Variants in DNMT1 observed in about 807,000 individuals in gnomAD.
DNMT1 encodes DNA methyltransferase 1, also known as DNA (cytosine-5)-methyltransferase 1.
In DNMT1, 24 loss-of-function variants were observed where a neutral mutation model predicts 205.3. The ratio of observed to expected loss-of-function variants is 0.12; its 90% confidence interval spans 0.08 to 0.16. The LOEUF (loss-of-function observed/expected upper bound fraction) is 0.16, where lower values mean the gene tolerates loss of function less well. Ranked by LOEUF, DNMT1 falls within the 10% of genes least tolerant of loss-of-function variation. The probability of loss-of-function intolerance (pLI) is 1.00; values close to 1 mark genes in which losing one functional copy is unlikely to be tolerated. For missense variants in DNMT1, 1,293 were observed against 2,177.7 expected (o/e 0.59, Z 8.09); for synonymous variants, 817 against 839.8 (o/e 0.97, Z 0.47).
chr19:10,137,610 A>T lies in DNMT1; in HGVS notation c.4293+222T>A. On this transcript the variant is annotated intron_variant, in intron 36 of 40. Coordinates refer to ENST00000359526, the MANE Select transcript of DNMT1 (RefSeq NM_001130823.3). This position sits in a 1 kb window ranked among gnomAD's most constrained non-coding sequence, Gnocchi z 6.4. ...AGGGGGAAGGCAGTGGTGGGTGGGC[A>T]GTGGCTTGACACCATTCCAGACCAA... is the stretch of plus-strand genomic sequence containing the variant. 1 of 690,380 alleles carries T rather than the reference A, an allele frequency of 1.4e-6. No individual in the cohort carries two copies. The highest frequency in any genetic ancestry group is 2.4e-6 in the Non-Finnish European group (1 of 408,908). 42.8% of individuals were successfully genotyped at this position (690,380 alleles called of 1,614,324 possible). A position where few individuals can be genotyped will look rare whatever the true frequency, so the allele number is the denominator to read the frequency against.
In DNMT1 at chr19:10,133,388, T is replaced by C. The variant is rs2089415266; in HGVS notation, c.*279A>G. 3.8e-6 allele frequency: 2 copies of C among 519,622 alleles called. No homozygotes were observed. The highest frequency in any genetic ancestry group is 6.7e-5 in the Admixed American group (2 of 29,914). The allele number at this position is 519,622 out of a possible 1,614,324, so 32.2% of individuals were successfully genotyped here. A position where few individuals can be genotyped will look rare whatever the true frequency, so the allele number is the denominator to read the frequency against. ...TTATTTGAAGAAATATTACAACATATAAAAACTACATAAAGTCTTAATTTC... is the reference window on the plus strand; with the variant it reads ...TTATTTGAAGAAATATTACAACATACAAAAACTACATAAAGTCTTAATTTC... On this transcript the variant is annotated 3_prime_UTR_variant, in exon 41 of 41. Coordinates refer to ENST00000359526, the MANE Select transcript of DNMT1 (RefSeq NM_001130823.3). This position sits in a 1 kb window ranked among gnomAD's most constrained non-coding sequence, Gnocchi z 4.1.
intron 11 of DNMT1, among the ~76,000 whole-genome samples, chr19:10,164,452 T>A (rs2145334551): frequency 6.6e-6 from 1 of 152,192 alleles, no homozygotes; most frequent in Middle Eastern, 3.4e-3. Context: ...TTACAAAAAA[T>A]AAGTTTAAAA....
chr19:10,180,427 G>C lies in DNMT1; in HGVS notation c.368C>G (p.Ala123Gly), dbSNP rs1085307725. The C allele has an allele frequency of 1.9e-6, 3 of 1,614,132 alleles. No homozygotes were observed. The African/African-American group carries it at 4.0e-5, about 22-fold the overall frequency. The change falls in exon 4 of 41, where the codon GCA (alanine) becomes GGA (glycine). Residue 123 changes from alanine to glycine, a missense_variant. Around this residue, in one of 13 missense-constraint regions of DNMT1, gnomAD observed 394 missense variants for 451.6 expected, o/e 0.87. Coordinates refer to ENST00000359526, the MANE Select transcript of DNMT1 (RefSeq NM_001130823.3). ...ARSEARRVGMADANSPPKPLS... is the reference protein window; with the variant it reads ...ARSEARRVGMGDANSPPKPLS... ...GGGTTTGGGGGGGCTGTTGGCATCTGCCATTCCCACTCTACGGGCTTCACT... is the reference window on the plus strand; with the variant it reads ...GGGTTTGGGGGGGCTGTTGGCATCTCCCATTCCCACTCTACGGGCTTCACT...
At position 10,138,614 on chromosome 19, in the gene DNMT1, GAGA is replaced by G. The variant is rs1568221502; in HGVS notation, c.3949-12_3949-10del. The G allele has an allele frequency of 7.5e-6, 12 of 1,599,908 alleles. No homozygotes were observed. Among genetic ancestry groups the G allele is most frequent in the South Asian group, 5.5e-5 (5 of 90,936 alleles). On this transcript the variant is annotated splice_polypyrimidine_tract_variant and intron_variant, in intron 34 of 40. Coordinates refer to ENST00000359526, the MANE Select transcript of DNMT1 (RefSeq NM_001130823.3). The surrounding 1 kb of genome is among the most constrained non-coding windows in gnomAD (Gnocchi z 4.1). ...ACGCCGTACTGACCGGCCTGTGGGGGAGAAGGACGGACAACCCCACCGTCAGTG... is the reference window on the plus strand; with the variant it reads ...ACGCCGTACTGACCGGCCTGTGGGGGAGGACGGACAACCCCACCGTCAGTG...
intron 22 of DNMT1, among the ~76,000 whole-genome samples, chr19:10,152,376 A>C (rs2038366112): frequency 6.7e-6 from 1 of 150,062 alleles, no homozygotes; most frequent in Non-Finnish European, 1.5e-5. Context: ...GAACCAGTAC[A>C]TTGGGAGGCT....
intron 2 of DNMT1, among the ~76,000 whole-genome samples, chr19:10,181,794 A>C (rs1295312912): frequency 6.6e-6 from 1 of 151,980 alleles, no homozygotes; most frequent in Non-Finnish European, 1.5e-5. Flanking sequence ...ATGCCATTGC[A>C]CTCTAGCCTG....
At position 10,183,106 on chromosome 19, in the gene DNMT1, CGTGT is replaced by C. The variant is rs1250445833; in HGVS notation, c.81-1033_81-1030del. On this transcript the variant is annotated intron_variant, in intron 1 of 40. Transcript: ENST00000359526. ...GTATATATATATACACGTATATATA[CGTGT>C]GTATATATATATATATTTTTTTTTT... Among the ~76,000 whole-genome samples, 23 of 131,236 alleles carry C rather than the reference CGTGT, an allele frequency of 1.8e-4. No homozygotes were observed. In the East Asian group the frequency reaches 5.1e-3, roughly 29 times the overall value. 86.1% of individuals were successfully genotyped at this position (131,236 alleles called of 152,430 possible).
rs2038447051 is a variant in DNMT1 at position 10,155,843 on chromosome 19, A to G, written c.1492+10T>C. 1 of 1,612,034 alleles carries G rather than the reference A, an allele frequency of 6.2e-7. No individual in the cohort carries two copies. The highest frequency in any genetic ancestry group is 1.3e-5 in the African/African-American group (1 of 74,914). ...GACCCCGGCCAGCCTATGATGGGCC[A>G]CACACTTACAGGTGCTGAAGCCGAT... On this transcript the variant is annotated intron_variant, in intron 19 of 40. Coordinates refer to ENST00000359526, the MANE Select transcript of DNMT1 (RefSeq NM_001130823.3).
intron 28 of DNMT1, among the ~76,000 whole-genome samples, chr19:10,145,825 T>C (rs2038186670): frequency 7.2e-6 from 1 of 139,776 alleles, no homozygotes; most frequent in South Asian, 2.3e-4. Context: ...CAGTAAGTTC[T>C]TTTTTTTTCT....
chr19:10,178,418 G>A (rs570165326), intron 5 of DNMT1, among the ~76,000 whole-genome samples: 5 of 152,182 alleles, frequency 3.3e-5, no homozygotes, highest in East Asian at 1.9e-4. Flanking sequence ...TTAACTGGGC[G>A]TGGTGGCGCA....
At chr19:10,152,923 G>A (rs1323975121) in intron 22 of DNMT1, among the ~76,000 whole-genome samples, 1 of 142,630 alleles carries the variant, frequency 7.0e-6, no homozygotes, top group Non-Finnish European at 1.5e-5. Flanking sequence ...AACACAGCAG[G>A]ACCCTGTCTC....
chr19:10,183,229 G>C (rs1043936493), intron 1 of DNMT1, among the ~76,000 whole-genome samples: 14 of 149,968 alleles, frequency 9.3e-5, no homozygotes, highest in Admixed American at 4.0e-4. Context: ...GATTCTCCTG[G>C]CTCAGCCTCC....
chr19:10,191,841 A>AAT (rs1052346622), intron 1 of DNMT1, among the ~76,000 whole-genome samples: 2 of 147,738 alleles, frequency 1.4e-5, no homozygotes, highest in African/African-American at 5.0e-5. Context: ...AAAAAAAAAA[A>AAT]TTTTTTTTTT....
At position 10,180,388 on chromosome 19, in the gene DNMT1, C is replaced by A. The variant is rs775139340; in HGVS notation, c.407G>T (p.Arg136Leu). The A allele has an allele frequency of 3.7e-6, 6 of 1,613,664 alleles. No homozygotes were observed. The highest frequency in any genetic ancestry group is 1.7e-5 in the Admixed American group (1 of 59,980). ...NSPPKPLSKP[R>L]TPRRSKSDGE... ...ATCGGACTTGCTCCTCCTGGGCGTG[C>A]GAGGTTTGGAAAGGGGTTTGGGGGG... The change falls in exon 4 of 41, where the codon CGC becomes CTC. Residue 136 changes from arginine to leucine, a missense_variant. Transcript: ENST00000359526.
intron 13 of DNMT1, 117 bp downstream of exon 13, chr19:10,162,550 G>A (rs1365773780): frequency 3.8e-5 from 41 of 1,082,556 alleles, no homozygotes; most frequent in South Asian, 2.5e-4. Flanking sequence ...GATTACAGGC[G>A]TGCGCCACCA....
chr19:10,139,843 G>A (rs199745553), intron 33 of DNMT1, 26 bp from the exon 34 acceptor site: 1 of 1,563,974 alleles, frequency 6.4e-7, no homozygotes, highest in African/African-American at 1.4e-5. Flanking sequence ...GAGACTGCAG[G>A]AGTCACCTCC....
intron 40 of DNMT1, 33 bp downstream of exon 40, chr19:10,134,184 G>T: frequency 6.2e-7 from 1 of 1,612,314 alleles, no homozygotes; most frequent in Admixed American, 1.7e-5. Flanking sequence ...GGGCAGTCAG[G>T]CCCCAGAGGA....
rs75515773 is a variant in DNMT1 at position 10,133,583 on chromosome 19, G to T, written c.*84C>A. 1.4e-6 allele frequency: 2 copies of T among 1,476,476 alleles called. No individual in the cohort carries two copies. The highest frequency in any genetic ancestry group is 1.9e-6 in the Non-Finnish European group (2 of 1,078,628). The allele number at this position is 1,476,476 out of a possible 1,614,324, so 91.5% of individuals were successfully genotyped here. On this transcript the variant is annotated 3_prime_UTR_variant, in exon 41 of 41. Transcript: ENST00000359526. This position sits in a 1 kb window ranked among gnomAD's most constrained non-coding sequence, Gnocchi z 4.1. ...AACACCATGTACCACACATGTGAAC[G>T]GACAGATTGACATGTTAAAAACACA... is the stretch of plus-strand genomic sequence containing the variant.
intron 1 of DNMT1, among the ~76,000 whole-genome samples, chr19:10,182,526 T>TATATGTGTATATATAC (rs1274574908): frequency 6.9e-6 from 1 of 145,810 alleles, no homozygotes; most frequent in Non-Finnish European, 1.5e-5. Context: ...TATATATGTG[T>TATATGTGTATATATAC]ATATGTGTAT....
Sources: gnomAD v4.1 joint callset for allele counts (sites outside exome capture counted in the v4.1 genomes callset) on GRCh38, gnomAD v4.1.1 for gene constraint, gnomAD v4.1.1 regional missense constraint, Gnocchi (gnomAD v3.1) non-coding constraint, MANE v1.5 for transcripts, NCBI Gene and HGNC (gene_info 2026-07-23, HGNC 2026-07-21) for gene names.